KLF16: variants seen among roughly 807,000 people sequenced by gnomAD.
KLF16 encodes Krueppel-like factor 16.
In KLF16, 6 loss-of-function variants were observed where a neutral mutation model predicts 6.1. The observed-to-expected ratio is 0.98, with a 90% CI of 0.54 to 1.93. The LOEUF is 1.93. Among genes scored for constraint, KLF16 ranks in the 30% most tolerant of loss-of-function variants. KLF16 has a pLI of 0.01. For synonymous variants in KLF16, 211 were observed against 176.5 expected, an observed-to-expected ratio of 1.20 and a Z score of -1.55; for missense variants, 355 against 363.8, an observed-to-expected ratio of 0.98 and a Z score of 0.20.
chr19:1,871,897 G>C, the KLF16 span, among the ~76,000 whole-genome samples: 1 of 152,126 alleles, frequency 6.6e-6, no homozygotes, highest in Non-Finnish European at 1.5e-5. Context: ...CCTGCACAGG[G>C]TGGGCAGCAG....
the KLF16 span, among the ~76,000 whole-genome samples, chr19:1,873,080 A>T: frequency 6.6e-6 from 1 of 152,156 alleles, no homozygotes; most frequent in Non-Finnish European, 1.5e-5. Context: ...AAGAGGACAG[A>T]ATCACAGCCA....
chr19:1,863,656 G>A (rs1384641368), upstream of KLF16: 3 of 165,440 alleles, frequency 1.8e-5, no homozygotes, highest in African/African-American at 5.1e-5. Context: ...GCCCCGCCCC[G>A]CCTGACGCGT....
rs1568730368 is a variant in KLF16, at chr19:1,852,903, C to CG, written c.*1555dup. 2.0e-5 allele frequency: 3 copies of CG among 152,192 alleles called. No homozygotes were observed. Among genetic ancestry groups the CG allele is most frequent in the African/African-American group, 7.2e-5 (3 of 41,402 alleles). 9.4% of individuals were successfully genotyped at this position (152,192 alleles called of 1,614,324 possible). A position where few individuals can be genotyped will look rare whatever the true frequency, so the allele number is the denominator to read the frequency against. On this transcript the variant is annotated 3_prime_UTR_variant, in exon 2 of 2. Coordinates refer to ENST00000250916, the MANE Select transcript of KLF16 (RefSeq NM_031918.4). Reference sequence around the variant, plus strand: ...CACCCATCCCTGGATCCTGCCAGGCCGGGGCTGGGTCCAGGTGCACACCAG... The same window carrying CG: ...CACCCATCCCTGGATCCTGCCAGGCCGGGGGCTGGGTCCAGGTGCACACCAG...
intron 1 of KLF16, 46 bp downstream of exon 1, chr19:1,862,995 C>A: frequency 4.1e-6 from 5 of 1,204,980 alleles, no homozygotes; most frequent in Non-Finnish European, 5.3e-6. Flanking sequence ...GGGGAGGGGT[C>A]TCAGGCGGCC....
chr19:1,866,073 G>A (rs2012183881), upstream of KLF16, among the ~76,000 whole-genome samples: 1 of 152,134 alleles, frequency 6.6e-6, no homozygotes, highest in Non-Finnish European at 1.5e-5. Context: ...GGAGGCCAAG[G>A]CTGGCAGATC....
intron 1 of KLF16, among the ~76,000 whole-genome samples, chr19:1,856,579 G>T (rs1444217507): frequency 6.6e-6 from 1 of 152,164 alleles, no homozygotes; most frequent in Non-Finnish European, 1.5e-5. Context: ...ATGCAGCTGG[G>T]GTCGCGGGTC....
intron 1 of KLF16, 44 bp downstream of exon 1, chr19:1,862,997 C>T: frequency 8.3e-7 from 1 of 1,210,008 alleles, no homozygotes; most frequent in Non-Finnish European, 1.1e-6. Flanking sequence ...GGAGGGGTCT[C>T]AGGCGGCCGC....
chr19:1,872,268 C>T, the KLF16 span, among the ~76,000 whole-genome samples: 1 of 152,134 alleles, frequency 6.6e-6, no homozygotes, highest in African/African-American at 2.4e-5. Context: ...GTAGCTGGGA[C>T]TACAGGCGCC....
chr19:1,860,922 G>A (rs2012051632), intron 1 of KLF16, among the ~76,000 whole-genome samples: 1 of 152,080 alleles, frequency 6.6e-6, no homozygotes, highest in Non-Finnish European at 1.5e-5. Context: ...AATCGTTACT[G>A]TAAAGGGGGC....
chr19:1,866,041 C>T (rs1055529753), upstream of KLF16, among the ~76,000 whole-genome samples: 1 of 152,186 alleles, frequency 6.6e-6, no homozygotes, highest in African/African-American at 2.4e-5. Context: ...CAGTGGCTCA[C>T]GCCTGTAATC....
upstream of KLF16, among the ~76,000 whole-genome samples, chr19:1,866,227 G>A (rs1328242282): frequency 6.6e-6 from 1 of 151,998 alleles, no homozygotes; most frequent in African/African-American, 2.4e-5. Context: ...AGAATCGCTT[G>A]AATCTGGGAG....
chr19:1,873,502 G>A, the KLF16 span, among the ~76,000 whole-genome samples: 5 of 151,838 alleles, frequency 3.3e-5, no homozygotes, highest in African/African-American at 4.9e-5. Context: ...TGTCTGTCCC[G>A]TCACCCAGGG....
At chr19:1,859,442 C>T (rs1028682405) in intron 1 of KLF16, among the ~76,000 whole-genome samples, 6 of 152,094 alleles carry the variant, frequency 3.9e-5, no homozygotes, top group African/African-American at 7.3e-5. Flanking sequence ...GATCCTAATC[C>T]CTTCTCCATA....
At position 1,854,626 on chromosome 19, in the gene KLF16, G is replaced by C. The variant is rs757571924; in HGVS notation, c.592C>G (p.Arg198Gly). The C allele has an allele frequency of 6.3e-7, 1 of 1,598,756 alleles. No homozygotes were observed. The change falls in exon 2 of 2, where the codon CGC becomes GGC. Residue 198 changes from arginine to glycine, a missense_variant. By Grantham distance (125) the Arg-to-Gly change is moderately radical. Transcript: ENST00000250916. ...GCGTGCTTGGCCAGGTGGTCACTGC[G>C]GGTGAAGCGCTTGGAGCACAGAGGG... The part of the protein sequence containing the change: ...SCPLCSKRFT[R>G]SDHLAKHARR...
the KLF16 span, among the ~76,000 whole-genome samples, chr19:1,869,415 G>C: frequency 6.6e-6 from 1 of 152,256 alleles, no homozygotes; most frequent in East Asian, 1.9e-4. Context: ...AGGAGGCGGA[G>C]GTTGCAGTGA....
chr19:1,856,190 G>T (rs998323845), intron 1 of KLF16, among the ~76,000 whole-genome samples: 2 of 152,164 alleles, frequency 1.3e-5, no homozygotes, highest in African/African-American at 4.8e-5. Flanking sequence ...CAGAGACGGC[G>T]GGAGGGGCAC....
At chr19:1,858,927 G>A (rs1599193680) in intron 1 of KLF16, among the ~76,000 whole-genome samples, 1 of 152,098 alleles carries the variant, frequency 6.6e-6, no homozygotes, top group Admixed American at 6.5e-5. Flanking sequence ...TTTTATCAGA[G>A]AGCCTGGGTG....
intron 1 of KLF16, among the ~76,000 whole-genome samples, chr19:1,862,266 C>T (rs2012080931): frequency 6.6e-6 from 1 of 152,214 alleles, no homozygotes; most frequent in Admixed American, 6.5e-5. Flanking sequence ...CCCGGTTCCC[C>T]TCGCCGCCCC....
upstream of KLF16, among the ~76,000 whole-genome samples, chr19:1,864,197 A>G (rs2012143102): frequency 6.7e-6 from 1 of 150,272 alleles, no homozygotes; most frequent in Non-Finnish European, 1.5e-5. Flanking sequence ...CCCGTTCGCG[A>G]TGGAGGAGGG....
Sources: gnomAD v4.1 joint callset for allele counts (sites outside exome capture counted in the v4.1 genomes callset) on GRCh38, gnomAD v4.1.1 for gene constraint, MANE v1.5 for transcripts, NCBI Gene and HGNC (gene_info 2026-07-23, HGNC 2026-07-21) for gene names.